The following RAP1A variants were observed in gnomAD, a reference collection of about 807,000 sequenced individuals.
RAP1A encodes ras-related protein Rap-1A.
RAP1A carries 6 observed loss-of-function variants against 26.4 expected under a neutral mutation model. The ratio of observed to expected loss-of-function variants is 0.23; its 90% CI spans 0.12 to 0.45. The LOEUF is 0.45. RAP1A is among the 20% of genes least tolerant of loss of function. RAP1A has a pLI of 0.99. For missense variants in RAP1A, 121 were observed against 217.2 expected (o/e 0.56, Z 2.78); for synonymous variants, 73 against 79.4 (o/e 0.92, Z 0.43).
chr1:111,680,071 C>T (rs1391129750), intron 1 of RAP1A, among the ~76,000 whole-genome samples: 1 of 152,280 alleles, frequency 6.6e-6, no homozygotes, highest in East Asian at 1.9e-4. Context: ...TAAGTGGATC[C>T]CTGATCCCTG....
chr1:111,650,414 A>T (rs2101134594), intron 1 of RAP1A: 1 of 152,270 alleles, frequency 6.6e-6, no homozygotes, highest in South Asian at 2.1e-4. Flanking sequence ...ATGCCATTTA[A>T]AAAAATAGAC....
At chr1:111,584,714 C>T (rs947067238) in intron 1 of RAP1A, among the ~76,000 whole-genome samples, 2 of 152,232 alleles carry the variant, frequency 1.3e-5, no homozygotes, top group Non-Finnish European at 2.9e-5. Flanking sequence ...TAGAGAAATT[C>T]ATATATAAAT....
intron 5 of RAP1A, among the ~76,000 whole-genome samples, chr1:111,704,066 G>A (rs1002846719): frequency 2.6e-5 from 4 of 151,914 alleles, no homozygotes; most frequent in Admixed American, 1.3e-4. Context: ...GCCTCCCTGG[G>A]ATTACAGGCA....
At chr1:111,554,204 T>C (rs1248045968) in intron 1 of RAP1A, among the ~76,000 whole-genome samples, 1 of 152,178 alleles carries the variant, frequency 6.6e-6, no homozygotes, top group East Asian at 1.9e-4. Flanking sequence ...CTTGTGAAAA[T>C]TGAATTAACA....
At position 111,687,167 on chromosome 1, in the gene RAP1A, ATTTG is replaced by A. The variant is rs1300027302; in HGVS notation, c.-27-4162_-27-4159del. Among the ~76,000 whole-genome samples the A allele has an allele frequency of 6.4e-5, 9 of 141,292 alleles. No homozygotes were observed. In the South Asian group the frequency reaches 2.0e-3, roughly 31 times the overall value. The allele number at this position is 141,292 out of a possible 152,430, so 92.7% of individuals were successfully genotyped here. A position where few individuals can be genotyped will look rare whatever the true frequency, so the allele number is the denominator to read the frequency against. ...TTTTTTTCTTTGCTTTTTTTTGCTTATTTGTTTGCATTTTTCATACTTTCTTTTT... is the reference window on the plus strand; with the variant it reads ...TTTTTTTCTTTGCTTTTTTTTGCTTATTTGCATTTTTCATACTTTCTTTTT... On this transcript the variant is annotated intron_variant, in intron 1 of 7. Coordinates refer to ENST00000369709, the MANE Select transcript of RAP1A (RefSeq NM_002884.4).
At chr1:111,656,726 A>G (rs539542983) in intron 1 of RAP1A, among the ~76,000 whole-genome samples, 14 of 150,526 alleles carry the variant, frequency 9.3e-5, no homozygotes, top group Non-Finnish European at 1.9e-4. Flanking sequence ...CCCCCCCGCC[A>G]CTGCCTCACT....
chr1:111,598,765 T>C (rs1254075224), intron 1 of RAP1A, among the ~76,000 whole-genome samples: 1 of 152,038 alleles, frequency 6.6e-6, no homozygotes, highest in Non-Finnish European at 1.5e-5. Flanking sequence ...CCAGCTGGGC[T>C]CCCTCCAATT....
intron 1 of RAP1A, among the ~76,000 whole-genome samples, chr1:111,588,906 GC>G (rs1658426335): frequency 6.6e-6 from 1 of 152,146 alleles, no homozygotes; most frequent in South Asian, 2.1e-4. Flanking sequence ...AAACCACTGA[GC>G]TTTTGGGTCT....
At chr1:111,596,636 C>A (rs1304185347) in intron 1 of RAP1A, among the ~76,000 whole-genome samples, 1 of 152,206 alleles carries the variant, frequency 6.6e-6, no homozygotes, top group South Asian at 2.1e-4. Flanking sequence ...AAATTTATTT[C>A]TCATAGTTCT....
chr1:111,659,354 A>C (rs2101153700), intron 1 of RAP1A, among the ~76,000 whole-genome samples: 1 of 152,296 alleles, frequency 6.6e-6, no homozygotes, highest in East Asian at 1.9e-4. Context: ...TCTCTCTCTC[A>C]ATATTGTAAT....
intron 1 of RAP1A, among the ~76,000 whole-genome samples, chr1:111,566,997 G>A (rs182725607): frequency 2.6e-5 from 4 of 152,024 alleles, no homozygotes; most frequent in East Asian, 1.9e-4. Flanking sequence ...CTTCATTAGC[G>A]TCATGGTATA....
intron 2 of RAP1A, among the ~76,000 whole-genome samples, chr1:111,693,687 C>CT (rs1391679535): frequency 6.6e-6 from 1 of 152,178 alleles, no homozygotes; most frequent in Non-Finnish European, 1.5e-5. Flanking sequence ...CTTTTGCCTG[C>CT]TTCTGTATCC....
intron 1 of RAP1A, among the ~76,000 whole-genome samples, chr1:111,564,539 G>T (rs1309407951): frequency 2.7e-4 from 37 of 137,470 alleles, no homozygotes; most frequent in Non-Finnish European, 4.9e-4. Flanking sequence ...TTGAGACGGA[G>T]TCTCACTCTG....
chr1:111,679,743 G>A (rs1661237112), intron 1 of RAP1A, among the ~76,000 whole-genome samples: 1 of 152,110 alleles, frequency 6.6e-6, no homozygotes, highest in Non-Finnish European at 1.5e-5. Flanking sequence ...CATTACTGAG[G>A]TTTCAGTAAG....
intron 1 of RAP1A, chr1:111,649,286 A>C: frequency 2.2e-6 from 1 of 461,676 alleles, no homozygotes; most frequent in East Asian, 5.3e-5. Context: ...CCAGGCTCTC[A>C]CTCTGTCCAG....
At chr1:111,561,367 G>T (rs569108357) in intron 1 of RAP1A, among the ~76,000 whole-genome samples, 6 of 152,088 alleles carry the variant, frequency 3.9e-5, no homozygotes, top group Non-Finnish European at 7.4e-5. Context: ...CAAGCGATCC[G>T]CTTGTCTCAG....
At chr1:111,605,537 G>A (rs1165307347) in intron 1 of RAP1A, among the ~76,000 whole-genome samples, 3 of 152,198 alleles carry the variant, frequency 2.0e-5, no homozygotes, top group Non-Finnish European at 4.4e-5. Context: ...TATGGAAGAA[G>A]CAGCAGTAGC....
chr1:111,553,517 T>C (rs1295292106), intron 1 of RAP1A, among the ~76,000 whole-genome samples: 1 of 152,224 alleles, frequency 6.6e-6, no homozygotes, highest in Non-Finnish European at 1.5e-5. Context: ...ATCTCCAGTG[T>C]TTCAGCTTTT....
chr1:111,646,781 C>T (rs1236620172), intron 1 of RAP1A, among the ~76,000 whole-genome samples: 5 of 152,144 alleles, frequency 3.3e-5, no homozygotes, highest in South Asian at 2.1e-4. Context: ...CCTTGTGATC[C>T]GCCCGCCTCG....
Sources: gnomAD v4.1 joint callset for allele counts (sites outside exome capture counted in the v4.1 genomes callset) on GRCh38, gnomAD v4.1.1 for gene constraint, MANE v1.5 for transcripts, NCBI Gene and HGNC (gene_info 2026-07-23, HGNC 2026-07-21) for gene names.